Variants in BRINP3 observed in about 807,000 individuals in gnomAD.
The protein encoded by BRINP3 is BMP/retinoic acid-inducible neural-specific protein 3.
BRINP3 carries 19 observed loss-of-function variants against 71.0 expected under a neutral mutation model. That is an observed-to-expected ratio of 0.27 (90% confidence interval 0.19 to 0.39). BRINP3 has a LOEUF of 0.39. Among genes scored for constraint, BRINP3 ranks in the 10% least tolerant of loss-of-function variants. The probability of loss-of-function intolerance (pLI) is 1.00; values close to 1 mark genes in which losing one functional copy is unlikely to be tolerated. For missense variants in BRINP3, 959 were observed against 940.8 expected (o/e 1.02, Z -0.25); for synonymous variants, 380 against 337.7 (o/e 1.13, Z -1.37).
chr1:190,327,302 G>A (rs1348608812), intron 2 of BRINP3, among the ~76,000 whole-genome samples: 4 of 121,622 alleles, frequency 3.3e-5, no homozygotes, highest in African/African-American at 6.4e-5. Context: ...GCAACAGAGC[G>A]AGGCTCCATC....
At chr1:190,286,491 C>T (rs563421156) in intron 2 of BRINP3, among the ~76,000 whole-genome samples, 30 of 152,204 alleles carry the variant, frequency 2.0e-4, no homozygotes, top group African/African-American at 7.0e-4. Flanking sequence ...GAATTTGCCA[C>T]TCTTCATATT....
rs567765821 is a variant in BRINP3 at position 190,173,168 on chromosome 1, T to C, written c.962-12278A>G. On this transcript the variant is annotated intron_variant, in intron 6 of 7. Transcript: ENST00000367462. Reference sequence around the variant, plus strand: ...AATGCAGCTGCGGCTAGTTTTCTATTACACACATTCTTCACTCATTACAAC... The same window carrying C: ...AATGCAGCTGCGGCTAGTTTTCTATCACACACATTCTTCACTCATTACAAC... 8.5e-5 allele frequency among the ~76,000 whole-genome samples: 13 copies of C among 152,300 alleles called. No individual in the cohort carries two copies. The East Asian group carries it at 1.4e-3, about 16-fold the overall frequency.
At chr1:190,412,456 GT>G (rs1159554984) in intron 2 of BRINP3, among the ~76,000 whole-genome samples, 3 of 119,360 alleles carry the variant, frequency 2.5e-5, no homozygotes, top group Non-Finnish European at 5.3e-5. Context: ...GTTTTGTTTT[GT>G]TTTTTTTTGT....
chr1:190,171,257 T>A (rs184728520), intron 6 of BRINP3, among the ~76,000 whole-genome samples: 146 of 152,302 alleles, frequency 9.6e-4, no homozygotes, highest in African/African-American at 2.6e-3. Context: ...TTTTTGATTG[T>A]TTGGTTGCTT....
At chr1:190,384,411 A>T (rs1255582070) in intron 2 of BRINP3, among the ~76,000 whole-genome samples, 4 of 151,916 alleles carry the variant, frequency 2.6e-5, no homozygotes, top group African/African-American at 9.7e-5. Context: ...CAATGGATTT[A>T]GGTATGTTTT....
chr1:190,195,691 G>A, intron 6 of BRINP3, among the ~76,000 whole-genome samples: 1 of 151,672 alleles, frequency 6.6e-6, no homozygotes, highest in Non-Finnish European at 1.5e-5. Flanking sequence ...ATCTAAATTG[G>A]CTTTATCTTA....
intron 1 of BRINP3, among the ~76,000 whole-genome samples, chr1:190,457,975 G>A (rs1676118889): frequency 6.6e-6 from 1 of 150,876 alleles, no homozygotes; most frequent in Non-Finnish European, 1.5e-5. Flanking sequence ...GATGTAATAT[G>A]GTTACAGTAG....
At chr1:190,377,371 A>C (rs1310246194) in intron 2 of BRINP3, among the ~76,000 whole-genome samples, 1 of 151,944 alleles carries the variant, frequency 6.6e-6, no homozygotes, top group East Asian at 1.9e-4. Flanking sequence ...CACAATACTT[A>C]ATGGTGAATG....
chr1:190,119,470 T>G lies in BRINP3; in HGVS notation c.1185-20336A>C, dbSNP rs896933540. ...TTTCTATTTTTAGTAGAGATGGGGT[T>G]TCACCATTTTGGTCGGGGGGTCTTG... On this transcript the variant is annotated intron_variant, in intron 7 of 7. Transcript: ENST00000367462. Among the ~76,000 whole-genome samples the G allele has an allele frequency of 4.6e-5, 7 of 151,984 alleles. No homozygotes were observed. In the South Asian group the frequency reaches 1.0e-3, roughly 23 times the overall value.
intron 4 of BRINP3, among the ~76,000 whole-genome samples, chr1:190,264,465 T>A (rs1661475173): frequency 6.6e-6 from 1 of 152,172 alleles, no homozygotes; most frequent in South Asian, 2.1e-4. Flanking sequence ...TGGACGACTT[T>A]AAGCCTGATA....
chr1:190,196,583 A>G (rs574581187), intron 6 of BRINP3, among the ~76,000 whole-genome samples: 1 of 152,238 alleles, frequency 6.6e-6, no homozygotes, highest in South Asian at 2.1e-4. Flanking sequence ...CAATGGGTAA[A>G]CATAATCAGG....
chr1:190,395,167 A>G (rs557721099), intron 2 of BRINP3, among the ~76,000 whole-genome samples: 83 of 151,890 alleles, frequency 5.5e-4, no homozygotes, highest in African/African-American at 2.0e-3. Flanking sequence ...GTAAAACTTA[A>G]TCAGAAGCAT....
chr1:190,183,952 C>G (rs1323997572), intron 6 of BRINP3, among the ~76,000 whole-genome samples: 2 of 152,066 alleles, frequency 1.3e-5, no homozygotes, highest in African/African-American at 4.8e-5. Context: ...GCTAGGTTGC[C>G]ACTTTCCTGA....
chr1:190,134,218 A>C (rs1294634171), intron 7 of BRINP3, among the ~76,000 whole-genome samples: 1 of 152,068 alleles, frequency 6.6e-6, no homozygotes, highest in Non-Finnish European at 1.5e-5. Context: ...TGATATTTCA[A>C]CTGAAAGCCA....
chr1:190,309,232 G>A (rs1424293171), intron 2 of BRINP3, among the ~76,000 whole-genome samples: 2 of 151,778 alleles, frequency 1.3e-5, no homozygotes, highest in Admixed American at 6.6e-5. Context: ...CCACCTATAT[G>A]AGTTGTTTAG....
chr1:190,246,397 G>T (rs1239761751), intron 4 of BRINP3, among the ~76,000 whole-genome samples: 1 of 95,676 alleles, frequency 1.0e-5, no homozygotes, highest in Non-Finnish European at 2.2e-5. Flanking sequence ...TTGCTCTGGG[G>T]TCATTCGGTT....
At chr1:190,363,514 T>C (rs929344053) in intron 2 of BRINP3, among the ~76,000 whole-genome samples, 1 of 152,110 alleles carries the variant, frequency 6.6e-6, no homozygotes, top group African/African-American at 2.4e-5. Context: ...TCATGAATCG[T>C]CTGATTTTTT....
At chr1:190,184,945 T>C (rs539612624) in intron 6 of BRINP3, among the ~76,000 whole-genome samples, 197 of 152,244 alleles carry the variant, frequency 1.3e-3, no homozygotes, top group African/African-American at 4.1e-3. Flanking sequence ...CCATATTCCA[T>C]ACATAAACAT....
chr1:190,454,527 G>A (rs1675855379), intron 2 of BRINP3, 128 bp downstream of exon 2: 1 of 667,352 alleles, frequency 1.5e-6, no homozygotes, highest in Non-Finnish European at 2.5e-6. Flanking sequence ...ACATTACTAT[G>A]GTGCATGGTA....
Sources: allele counts gnomAD v4.1 joint callset (sites outside exome capture counted in the v4.1 genomes callset), GRCh38; gene constraint gnomAD v4.1.1; transcripts MANE v1.5; gene names NCBI Gene and HGNC (gene_info 2026-07-23, HGNC 2026-07-21).